Variants in NDUFV3 observed in about 807,000 individuals in gnomAD.
NDUFV3 encodes the protein NADH dehydrogenase [ubiquinone] flavoprotein 3, mitochondrial.
A neutral mutation model predicts 37.5 loss-of-function variants in NDUFV3; 44 were observed. The ratio of observed to expected loss-of-function variants is 1.17; its 90% confidence interval spans 0.92 to 1.51. The LOEUF (loss-of-function observed/expected upper bound fraction) is 1.51, where lower values mean the gene tolerates loss of function less well. Ranked by LOEUF, NDUFV3 falls within the 40% of genes most tolerant of loss-of-function variation. NDUFV3 has a pLI of 0.00. For missense variants in NDUFV3, 580 were observed against 580.4 expected, an observed-to-expected ratio of 1.00 and a Z score of 0.01; for synonymous variants, 235 against 239.3, an observed-to-expected ratio of 0.98 and a Z score of 0.17.
At position 42,903,741 on chromosome 21, in the gene NDUFV3, G is replaced by A. The variant is rs377635033; in HGVS notation, c.729G>A (p.Ala243=). Residue 243 remains alanine, a synonymous_variant, in exon 3 of 4, where the codon GCG becomes GCA. Transcript: ENST00000354250. ...AGCCATCAGAAGGCAGGGAAAATGC[G>A]AGACCAAAAACCACAATGCCCAGAT... The part of the protein sequence containing the change: ...PAKPSEGREN[A]RPKTTMPRSQ... The A allele has an allele frequency of 1.2e-5, 20 of 1,614,040 alleles. No homozygotes were observed. The African/African-American group carries it at 1.5e-4, about 12-fold the overall frequency.
In NDUFV3 at chr21:42,903,077, T is replaced by C. The variant is rs2058723662; in HGVS notation, c.170-105T>C. ...GGGACCTGTCTTAGGATGATTGCAT[T>C]GAAGATACTGTCAGTAATAAGTAAT... On this transcript the variant is annotated intron_variant, in intron 2 of 3. Coordinates refer to ENST00000354250, the MANE Select transcript of NDUFV3 (RefSeq NM_021075.4). 4 of 1,444,124 alleles carry C rather than the reference T, an allele frequency of 2.8e-6. No homozygotes were observed. The African/African-American group carries it at 4.2e-5, about 15-fold the overall frequency. The allele number at this position is 1,444,124 out of a possible 1,614,324, so 89.5% of individuals were successfully genotyped here.
In NDUFV3 at chr21:42,908,969, CAA is replaced by C. The variant is rs751636191; in HGVS notation, c.1373_1374del (p.Lys458IlefsTer37). 4.3e-6 allele frequency: 7 copies of C among 1,613,998 alleles called. No individual in the cohort carries two copies. On this transcript the variant is annotated frameshift_variant, in exon 4 of 4. Transcript: ENST00000354250. LOFTEE classifies it high-confidence loss of function. ...TTCTTAGACCTCAACCTCGAACTCT[CAA>C]AATTCAGGATGCCTCAGCCCTCCTC... is the stretch of plus-strand genomic sequence containing the variant.
In NDUFV3 at chr21:42,903,926, G is replaced by A. The variant is rs985523433; in HGVS notation, c.914G>A (p.Gly305Asp). The A allele has an allele frequency of 6.8e-6, 11 of 1,611,984 alleles. No individual in the cohort carries two copies. The African/African-American group carries it at 1.5e-4, about 22-fold the overall frequency. Reference sequence around the variant, plus strand: ...TCAGGGTTGTCTGCGCCACCGAAGGGCAGCCCAGCGCCTGCTGTGTTGGCA... The same window carrying A: ...TCAGGGTTGTCTGCGCCACCGAAGGACAGCCCAGCGCCTGCTGTGTTGGCA... The part of the protein sequence containing the change: ...TKSGLSAPPK[G>D]SPAPAVLAEE... The change falls in exon 3 of 4, where the codon GGC (glycine) becomes GAC (aspartate). Residue 305 changes from glycine to aspartate, a missense_variant. Physicochemically the swap from Gly to Asp is moderately conservative, Grantham distance 94. Coordinates refer to ENST00000354250, the MANE Select transcript of NDUFV3 (RefSeq NM_021075.4).
In NDUFV3 at chr21:42,893,311, T is replaced by G. The variant is rs1414987882; in HGVS notation, c.-23T>G. On this transcript the variant is annotated 5_prime_UTR_variant, in exon 1 of 4. Coordinates refer to ENST00000354250, the MANE Select transcript of NDUFV3 (RefSeq NM_021075.4). ...GCGCGCGCAGCTGCTGTGGCCCTGC[T>G]TGGTGCGCCCGCTGTCACCGCCATG... is the stretch of plus-strand genomic sequence containing the variant. The G allele has an allele frequency of 2.6e-6, 4 of 1,537,166 alleles. No homozygotes were observed. The highest frequency in any genetic ancestry group is 3.5e-6 in the Non-Finnish European group (4 of 1,146,240).
chr21:42,904,171 A>G lies in NDUFV3; in HGVS notation c.1159A>G (p.Asn387Asp). ...PSNLETVPVE[N>D]NHGFHEKTAA... is the part of the protein sequence containing the mutation. ...CAATTTGGAGACAGTTCCTGTTGAGAATAACCACGGTTTCCATGAAAAGAC... is the reference window on the plus strand; with the variant it reads ...CAATTTGGAGACAGTTCCTGTTGAGGATAACCACGGTTTCCATGAAAAGAC... The change falls in exon 3 of 4, where the codon AAT becomes GAT. Residue 387 changes from asparagine (N) to aspartate (D), a missense_variant. Transcript: ENST00000354250. 2 of 1,614,234 alleles carry G rather than the reference A, an allele frequency of 1.2e-6. No homozygotes were observed. The highest frequency in any genetic ancestry group is 1.7e-6 in the Non-Finnish European group (2 of 1,180,042).
chr21:42,907,775 GA>G (rs1286672268), intron 3 of NDUFV3, among the ~76,000 whole-genome samples: 2 of 151,684 alleles, frequency 1.3e-5, no homozygotes, highest in Non-Finnish European at 2.9e-5. Context: ...ATTCTTTGTA[GA>G]GACAGAGTCT....
chr21:42,893,471 C>A, intron 1 of NDUFV3, 90 bp downstream of exon 1: 8 of 1,439,402 alleles, frequency 5.6e-6, no homozygotes, highest in Non-Finnish European at 6.6e-6. Context: ...CAGGTCCGGG[C>A]CTGTCCGCGA....
intron 3 of NDUFV3, among the ~76,000 whole-genome samples, chr21:42,906,629 G>A (rs1045143659): frequency 2.0e-5 from 3 of 152,202 alleles, no homozygotes; most frequent in African/African-American, 4.8e-5. Flanking sequence ...AATATTTCAC[G>A]GGTGTGTTGT....
intron 1 of NDUFV3, among the ~76,000 whole-genome samples, 189 bp downstream of exon 1, chr21:42,893,570 C>T (rs1030976091): frequency 1.3e-5 from 2 of 152,162 alleles, no homozygotes; most frequent in Admixed American, 1.3e-4. Flanking sequence ...GGCCAGCGAG[C>T]GTCCCGCGGT....
chr21:42,903,962 G>T lies in NDUFV3; in HGVS notation c.950G>T (p.Arg317Ile), dbSNP rs1246344798. 1 of 1,614,016 alleles carries T rather than the reference G, an allele frequency of 6.2e-7. No homozygotes were observed. Among genetic ancestry groups the T allele is most frequent in the East Asian group, 2.2e-5 (1 of 44,888 alleles). ...CCTGCTGTGTTGGCAGAAGAGGCCA[G>T]AGCAGAGGGGCAGCTGCAAGCCAGT... is the stretch of plus-strand genomic sequence containing the variant. ...PAPAVLAEEA[R>I]AEGQLQASPP... is the part of the protein sequence containing the mutation. The change falls in exon 3 of 4, where the codon AGA becomes ATA. Residue 317 changes from arginine to isoleucine, a missense_variant. By Grantham distance (97) the Arg-to-Ile change is moderately conservative. Coordinates refer to ENST00000354250, the MANE Select transcript of NDUFV3 (RefSeq NM_021075.4).
chr21:42,895,984 CTTTT>C (rs534775972), intron 1 of NDUFV3, among the ~76,000 whole-genome samples: 1 of 130,364 alleles, frequency 7.7e-6, no homozygotes, highest in Non-Finnish European at 1.6e-5. Context: ...GGTTGTTTTT[CTTTT>C]TTTTTTTTTT....
intron 1 of NDUFV3, among the ~76,000 whole-genome samples, chr21:42,896,562 G>A (rs2058692259): frequency 6.6e-6 from 1 of 152,040 alleles, no homozygotes; most frequent in Non-Finnish European, 1.5e-5. Flanking sequence ...ATAGGTGTAA[G>A]CCACCGCACC....
At chr21:42,897,558 A>G (rs1330460332) in intron 2 of NDUFV3, among the ~76,000 whole-genome samples, 1 of 152,220 alleles carries the variant, frequency 6.6e-6, no homozygotes, top group African/African-American at 2.4e-5. Context: ...TATTTTTAGT[A>G]GAGACAGGGT....
rs2058764431 is a variant in NDUFV3, at chr21:42,910,325, A to G, written c.*1304A>G. 6.6e-6 allele frequency: 1 copy of G among 152,272 alleles called. No homozygotes were observed. Among genetic ancestry groups the G allele is most frequent in the African/African-American group, 2.4e-5 (1 of 41,440 alleles). The allele number at this position is 152,272 out of a possible 1,614,324, so 9.4% of individuals were successfully genotyped here. A position where few individuals can be genotyped will look rare whatever the true frequency, so the allele number is the denominator to read the frequency against. ...GGCAACAGGAGTGAAACTCAATCAA[A>G]AAAAAGGAACAGGAATGTTACTAAT... is the stretch of plus-strand genomic sequence containing the variant. On this transcript the variant is annotated 3_prime_UTR_variant, in exon 4 of 4. Coordinates refer to ENST00000354250, the MANE Select transcript of NDUFV3 (RefSeq NM_021075.4).
chr21:42,906,854 C>T (rs1568861363), intron 3 of NDUFV3: 1 of 518,978 alleles, frequency 1.9e-6, no homozygotes, highest in Non-Finnish European at 3.8e-6. Context: ...CCCTACACCA[C>T]ACCGAAGATA....
intron 3 of NDUFV3, among the ~76,000 whole-genome samples, chr21:42,904,628 G>A (rs1012134540): frequency 7.0e-6 from 1 of 142,760 alleles, no homozygotes; most frequent in African/African-American, 2.7e-5. Context: ...GATTACAGGC[G>A]CAGGCCACCA....
chr21:42,901,632 G>T (rs573640827), intron 2 of NDUFV3, among the ~76,000 whole-genome samples: 1 of 151,480 alleles, frequency 6.6e-6, no homozygotes, highest in Admixed American at 6.6e-5. Flanking sequence ...GAAATTTTAC[G>T]TATCAAATTA....
At chr21:42,893,500 G>T in intron 1 of NDUFV3, 119 bp downstream of exon 1, 1 of 1,203,396 alleles carries the variant, frequency 8.3e-7, no homozygotes, top group Non-Finnish European at 1.2e-6. Context: ...CGTCCTAGTT[G>T]GGCCGCTGAC....
chr21:42,906,986 T>C, intron 3 of NDUFV3: 1 of 438,984 alleles, frequency 2.3e-6, no homozygotes, highest in Non-Finnish European at 4.5e-6. Flanking sequence ...AAAATAAATG[T>C]ATTTAGGTTA....
Sources: gnomAD v4.1 joint callset for allele counts (sites outside exome capture counted in the v4.1 genomes callset) on GRCh38, gnomAD v4.1.1 for gene constraint, MANE v1.5 for transcripts, NCBI Gene and HGNC (gene_info 2026-07-23, HGNC 2026-07-21) for gene names.